The following C4orf36 variants were observed in gnomAD, a reference collection of about 807,000 sequenced individuals.
C4orf36 encodes the protein uncharacterized protein C4orf36.
In C4orf36, 11 loss-of-function variants were observed where a neutral mutation model predicts 12.2. The ratio of observed to expected loss-of-function variants is 0.90; its 90% CI spans 0.57 to 1.49. The LOEUF (loss-of-function observed/expected upper bound fraction) is 1.49, where lower values mean the gene tolerates loss of function less well. C4orf36 is among the 40% of genes most tolerant of loss of function. The pLI is 0.00. For synonymous variants in C4orf36, 54 were observed against 51.3 expected, an observed-to-expected ratio of 1.05 and a Z score of -0.22; for missense variants, 137 against 133.9, an observed-to-expected ratio of 1.02 and a Z score of -0.11.
chr4:86,926,773 T>C, the C4orf36 span, among the ~76,000 whole-genome samples: 4 of 152,220 alleles, frequency 2.6e-5, no homozygotes, highest in Non-Finnish European at 5.9e-5. Flanking sequence ...TCTCAGGGTA[T>C]GTTTATGTTA....
chr4:86,912,101 CT>C, the C4orf36 span, among the ~76,000 whole-genome samples: 4 of 152,288 alleles, frequency 2.6e-5, no homozygotes, highest in South Asian at 4.2e-4. Context: ...CCTCGAACTC[CT>C]GACCGCAGGT....
At chr4:86,897,291 G>A (rs887924063), upstream of C4orf36, among the ~76,000 whole-genome samples, 5 of 152,106 alleles carry the variant, frequency 3.3e-5, no homozygotes, top group South Asian at 2.1e-4. Flanking sequence ...AGCCTGGGAG[G>A]TGGAGGTTGC....
At chr4:86,935,032 C>G in the C4orf36 span, 4 of 151,858 alleles carry the variant, frequency 2.6e-5, no homozygotes, top group African/African-American at 9.7e-5. Context: ...GAGCGACGGG[C>G]GCGCGCGGCC....
the C4orf36 span, among the ~76,000 whole-genome samples, chr4:86,906,685 C>G: frequency 2.9e-5 from 4 of 139,464 alleles, no homozygotes; most frequent in Non-Finnish European, 6.0e-5. Flanking sequence ...GAGTTGAGAT[C>G]GCATCGCTAC....
chr4:86,914,395 T>A, the C4orf36 span: 8 of 437,494 alleles, frequency 1.8e-5, no homozygotes, highest in Non-Finnish European at 2.1e-5. Flanking sequence ...TTCTTCCTTT[T>A]TTTTTTTTTT....
chr4:86,929,705 T>A, the C4orf36 span, among the ~76,000 whole-genome samples: 4 of 152,038 alleles, frequency 2.6e-5, no homozygotes, highest in South Asian at 2.1e-4. Flanking sequence ...TCTCTTTATA[T>A]CCCCAGAACT....
chr4:86,912,903 C>A, the C4orf36 span, among the ~76,000 whole-genome samples: 1 of 150,548 alleles, frequency 6.6e-6, no homozygotes, highest in African/African-American at 2.4e-5. Context: ...TTCTAGTTTT[C>A]GCTTTTCTTT....
At chr4:86,930,606 G>A in the C4orf36 span, among the ~76,000 whole-genome samples, 1 of 152,210 alleles carries the variant, frequency 6.6e-6, no homozygotes, top group African/African-American at 2.4e-5. Context: ...ATATTATTGT[G>A]CTCACATTGT....
chr4:86,903,224 T>C, the C4orf36 span, among the ~76,000 whole-genome samples: 1 of 152,254 alleles, frequency 6.6e-6, no homozygotes, highest in African/African-American at 2.4e-5. Context: ...ATGTTGTAAG[T>C]GGCCAGGCCC....
chr4:86,902,418 C>CAAAAAAAAAAAAAAAAAAAAAAA, the C4orf36 span, among the ~76,000 whole-genome samples: 12 of 58,954 alleles, frequency 2.0e-4, no homozygotes, highest in Middle Eastern at 0.01. Context: ...ATGAGACTCT[C>CAAAAAAAAAAAAAAAAAAAAAAA]AAAAAAAAAA....
At chr4:86,913,514 G>C in the C4orf36 span, 1 of 829,162 alleles carries the variant, frequency 1.2e-6, no homozygotes, top group Non-Finnish European at 2.1e-6. Context: ...CCAACCTGGA[G>C]ATGAAGGTCA....
At chr4:86,903,575 A>C in the C4orf36 span, among the ~76,000 whole-genome samples, 136 of 152,320 alleles carry the variant, frequency 8.9e-4, 1 homozygote, top group Middle Eastern at 0.01. Flanking sequence ...TACAGCTCCT[A>C]AAGGTGGCGC....
the C4orf36 span, among the ~76,000 whole-genome samples, chr4:86,897,524 T>C: frequency 6.6e-6 from 1 of 152,232 alleles, no homozygotes; most frequent in Admixed American, 6.5e-5. Flanking sequence ...AGTTCCTGTA[T>C]CCACAAAACT....
At chr4:86,916,362 A>G in the C4orf36 span, among the ~76,000 whole-genome samples, 3 of 119,268 alleles carry the variant, frequency 2.5e-5, no homozygotes. Context: ...TACTATGTGG[A>G]TGCAAAAAAA....
At chr4:86,913,502 G>T in the C4orf36 span, 3 of 805,896 alleles carry the variant, frequency 3.7e-6, no homozygotes, top group Non-Finnish European at 4.4e-6. Context: ...GTTTTGGAAC[G>T]TCCAACCTGG....
At position 86,888,188 on chromosome 4, in the gene C4orf36, T is replaced by C; in HGVS notation, c.153A>G (p.Ser51=). ...NIKLPFLEEI[S]FGGSVQLTKC... ...TTGTGAGCTGCACAGAACCACCAAA[T>C]GAAATTTCTTCCAAGAAAGGCAACT... Residue 51 remains serine, a synonymous_variant, in exon 3 of 5, where the codon TCA becomes TCG. Coordinates refer to ENST00000295898, the MANE Select transcript of C4orf36 (RefSeq NM_144645.4). 1 of 1,614,198 alleles carries C rather than the reference T, an allele frequency of 6.2e-7. No individual in the cohort carries two copies. The highest frequency in any genetic ancestry group is 8.5e-7 in the Non-Finnish European group (1 of 1,180,010).
At chr4:86,910,970 C>A in the C4orf36 span, among the ~76,000 whole-genome samples, 1 of 151,942 alleles carries the variant, frequency 6.6e-6, no homozygotes, top group Non-Finnish European at 1.5e-5. Flanking sequence ...GTAGTCCCAG[C>A]TACTCAGGGG....
the C4orf36 span, chr4:86,914,883 G>A: frequency 2.7e-6 from 1 of 367,808 alleles, no homozygotes; most frequent in Non-Finnish European, 5.1e-6. Flanking sequence ...TGGAGTGGAG[G>A]ATTCATGGAC....
the C4orf36 span, among the ~76,000 whole-genome samples, chr4:86,921,189 A>ACATACAAAC: frequency 1.3e-3 from 205 of 152,258 alleles, 1 homozygote; most frequent in Admixed American, 6.5e-3. Context: ...AAAGTTTTCA[A>ACATACAAAC]CATACAAACT....
Sources: gnomAD v4.1 joint callset for allele counts (sites outside exome capture counted in the v4.1 genomes callset) on GRCh38, gnomAD v4.1.1 for gene constraint, MANE v1.5 for transcripts, NCBI Gene and HGNC (gene_info 2026-07-23, HGNC 2026-07-21) for gene names.